The following MYCBP2 variants were observed in gnomAD, a reference collection of about 807,000 sequenced individuals.
MYCBP2 encodes E3 ubiquitin-protein ligase MYCBP2.
A neutral mutation model predicts 525.3 loss-of-function variants in MYCBP2; 120 were observed. That is an observed-to-expected ratio of 0.23 (90% CI 0.20 to 0.27). The LOEUF (loss-of-function observed/expected upper bound fraction) is 0.27, where lower values mean the gene tolerates loss of function less well. MYCBP2 is among the 10% of genes least tolerant of loss of function. MYCBP2 has a pLI of 1.00. For synonymous variants in MYCBP2, 1,894 were observed against 1,955.8 expected (o/e 0.97, Z 0.83); for missense variants, 4,149 against 5,657.1 (o/e 0.73, Z 8.55).
In MYCBP2 at chr13:77,052,998, C is replaced by T. The variant is rs851514; in HGVS notation, c.13648-1080G>A. Among the ~76,000 whole-genome samples, 790 of 152,004 alleles carry T rather than the reference C, an allele frequency of 5.2e-3. 6 individuals are homozygous for T. Among genetic ancestry groups the T allele is most frequent in the African/African-American group, 0.018 (737 of 41,454 alleles). Reference sequence around the variant, plus strand: ...CAAACAAACACAGAAATTAGCCAGGCGTGGTGGTGAGGACCTGTGGTCCCA... The same window carrying T: ...CAAACAAACACAGAAATTAGCCAGGTGTGGTGGTGAGGACCTGTGGTCCCA... On this transcript the variant is annotated intron_variant, in intron 80 of 82. Coordinates refer to ENST00000544440, the MANE Select transcript of MYCBP2 (RefSeq NM_015057.5).
chr13:77,174,025 C>T (rs900957767), intron 37 of MYCBP2, among the ~76,000 whole-genome samples: 39 of 152,040 alleles, frequency 2.6e-4, no homozygotes, highest in African/African-American at 9.4e-4. Flanking sequence ...AAATTGCAGA[C>T]CAGAAATTAT....
chr13:77,284,613 A>C (rs2076545300), intron 3 of MYCBP2, among the ~76,000 whole-genome samples: 1 of 152,094 alleles, frequency 6.6e-6, no homozygotes, highest in Non-Finnish European at 1.5e-5. Flanking sequence ...GATTGCACTG[A>C]TTCTCTAGAA....
At chr13:77,062,504 AT>A in intron 74 of MYCBP2, 91 bp downstream of exon 74, 1 of 1,038,170 alleles carries the variant, frequency 9.6e-7, no homozygotes, top group Non-Finnish European at 1.5e-6. Context: ...GTTTATGTTG[AT>A]GTGTTTTTTG....
At chr13:77,154,226 G>A (rs908136887) in intron 46 of MYCBP2, among the ~76,000 whole-genome samples, 1 of 152,022 alleles carries the variant, frequency 6.6e-6, no homozygotes, top group African/African-American at 2.4e-5. Context: ...CTTCTAGATA[G>A]TATTTAGAGT....
chr13:77,103,130 T>C (rs2047325458), intron 55 of MYCBP2: 1 of 395,978 alleles, frequency 2.5e-6, no homozygotes, highest in African/African-American at 2.1e-5. Flanking sequence ...TGAACATGAC[T>C]GAGACGAACG....
In MYCBP2 at chr13:77,181,933, C is replaced by T. The variant is rs1225005552; in HGVS notation, c.4720-11G>A. 1.9e-6 allele frequency: 3 copies of T among 1,608,446 alleles called. No individual in the cohort carries two copies. Among genetic ancestry groups the T allele is most frequent in the African/African-American group, 2.7e-5 (2 of 74,750 alleles). Reference sequence around the variant, plus strand: ...TGCTTCTTGGATATCCTTTTAAAAACAAAAATATGGCCCCCCAACCAAAAA... The same window carrying T: ...TGCTTCTTGGATATCCTTTTAAAAATAAAAATATGGCCCCCCAACCAAAAA... On this transcript the variant is annotated splice_polypyrimidine_tract_variant and intron_variant, in intron 32 of 82. Coordinates refer to ENST00000544440, the MANE Select transcript of MYCBP2 (RefSeq NM_015057.5).
intron 4 of MYCBP2, 107 bp from the exon 5 acceptor site, chr13:77,273,775 C>A (rs1594550468): frequency 3.6e-6 from 3 of 828,636 alleles, no homozygotes; most frequent in Non-Finnish European, 5.0e-6. Context: ...TTTAAGGAAT[C>A]TAGAACAATT....
chr13:77,113,377 T>A (rs1332047810), intron 55 of MYCBP2, among the ~76,000 whole-genome samples: 1 of 152,170 alleles, frequency 6.6e-6, no homozygotes, highest in African/African-American at 2.4e-5. Flanking sequence ...TCTCTTAAAA[T>A]ATTCTAGAAG....
intron 4 of MYCBP2, among the ~76,000 whole-genome samples, chr13:77,273,888 A>C (rs982239621): frequency 6.6e-6 from 1 of 152,166 alleles, no homozygotes; most frequent in Non-Finnish European, 1.5e-5. Flanking sequence ...TATTTTTCTT[A>C]GTAAAAAAAG....
intron 37 of MYCBP2, among the ~76,000 whole-genome samples, chr13:77,172,509 G>A (rs554721334): frequency 6.6e-6 from 1 of 152,310 alleles, no homozygotes; most frequent in South Asian, 2.1e-4. Context: ...AGAACTGATT[G>A]TAGGAGACCA....
Position 77,097,460 on chromosome 13 carries a change from C to T in MYCBP2, c.9694G>A (p.Val3232Ile), listed in dbSNP as rs369181084. 2 of 1,613,554 alleles carry T rather than the reference C, an allele frequency of 1.2e-6. No individual in the cohort carries two copies. The highest frequency in any genetic ancestry group is 2.2e-5 in the East Asian group (1 of 44,790). The change falls in exon 56 of 83, where the codon GTA becomes ATA. Residue 3232 changes from valine to isoleucine, a missense_variant. By Grantham distance (29) the Val-to-Ile change is conservative. Coordinates refer to ENST00000544440, the MANE Select transcript of MYCBP2 (RefSeq NM_015057.5). ...NLFGEMAQLA[V>I]GGPEKDTICE... is the part of the protein sequence containing the mutation. ...ATGGTATCTTTCTCTGGTCCTCCTA[C>T]TGCCAGCTGGGCCATCTCTCCAAAC...
chr13:77,053,414 AAACT>A (rs2037241850), intron 80 of MYCBP2, among the ~76,000 whole-genome samples: 1 of 152,224 alleles, frequency 6.6e-6, no homozygotes, highest in Non-Finnish European at 1.5e-5. Flanking sequence ...GGGAATAAAC[AAACT>A]GAGTCAATAT....
In MYCBP2 at chr13:77,087,764, T is replaced by A. The variant is rs903699972; in HGVS notation, c.10726-131A>T. On this transcript the variant is annotated intron_variant, in intron 61 of 82. Coordinates refer to ENST00000544440, the MANE Select transcript of MYCBP2 (RefSeq NM_015057.5). Reference sequence around the variant, plus strand: ...GAAAATCTTTTTTAATTAAAAAAAATGCCTTATAGTTTTACTATTTGTTTT... The same window carrying A: ...GAAAATCTTTTTTAATTAAAAAAAAAGCCTTATAGTTTTACTATTTGTTTT... 1.3e-5 allele frequency: 10 copies of A among 796,904 alleles called. No individual in the cohort carries two copies. The African/African-American group carries it at 1.8e-4, about 14-fold the overall frequency. The allele number at this position is 796,904 out of a possible 1,614,324, so 49.4% of individuals were successfully genotyped here. A position where few individuals can be genotyped will look rare whatever the true frequency, so the allele number is the denominator to read the frequency against.
At chr13:77,129,439 C>T in intron 52 of MYCBP2, 1 of 350,146 alleles carries the variant, frequency 2.9e-6, no homozygotes. Context: ...CAGAAGCTCT[C>T]CATGGATATA....
chr13:77,125,262 A>G (rs1242870874), intron 54 of MYCBP2, 74 bp downstream of exon 54: 1 of 1,513,080 alleles, frequency 6.6e-7, no homozygotes, highest in East Asian at 2.3e-5. Flanking sequence ...TTAAAACAAA[A>G]GCAATACAAT....
At chr13:77,167,168 T>A (rs1412738123) in intron 40 of MYCBP2, among the ~76,000 whole-genome samples, 1 of 152,098 alleles carries the variant, frequency 6.6e-6, no homozygotes, top group Non-Finnish European at 1.5e-5. Flanking sequence ...CATGAGGTAT[T>A]TTATCTTTAA....
intron 29 of MYCBP2, 21 bp from the exon 30 acceptor site, chr13:77,189,068 T>C (rs763351669): frequency 4.6e-6 from 7 of 1,527,998 alleles, no homozygotes; most frequent in Non-Finnish European, 4.4e-6. Context: ...TAGACACATA[T>C]AAAATTATGT....
rs35429706 is a variant in MYCBP2 at position 77,243,965 on chromosome 13, CAAAAAAA to C, written c.2382-21_2382-15del. On this transcript the variant is annotated splice_polypyrimidine_tract_variant and intron_variant, in intron 15 of 82. Transcript: ENST00000544440. Reference sequence around the variant, plus strand: ...CAACCACAGATCCTAGGGGGAAATACAAAAAAAAAAAAAAAAGACAACTGAGATATTC... The same window carrying C: ...CAACCACAGATCCTAGGGGGAAATACAAAAAAAAAGACAACTGAGATATTC... 1.0e-5 allele frequency: 12 copies of C among 1,192,204 alleles called. No individual in the cohort carries two copies. The highest frequency in any genetic ancestry group is 3.5e-5 in the African/African-American group (2 of 57,592). The allele number at this position is 1,192,204 out of a possible 1,614,324, so 73.9% of individuals were successfully genotyped here. A position where few individuals can be genotyped will look rare whatever the true frequency, so the allele number is the denominator to read the frequency against.
intron 73 of MYCBP2, 119 bp downstream of exon 73, chr13:77,064,496 T>C (rs2039879309): frequency 1.7e-6 from 2 of 1,155,860 alleles, no homozygotes; most frequent in East Asian, 2.6e-5. Flanking sequence ...AATACGGTAT[T>C]TGGTTAAAAA....
Sources: allele counts gnomAD v4.1 joint callset (sites outside exome capture counted in the v4.1 genomes callset), GRCh38; gene constraint gnomAD v4.1.1; transcripts MANE v1.5; gene names NCBI Gene and HGNC (gene_info 2026-07-23, HGNC 2026-07-21).